Variants in BIRC6 observed in about 807,000 individuals in gnomAD.
BIRC6 encodes baculoviral IAP repeat containing 6.
A neutral mutation model predicts 503.3 loss-of-function variants in BIRC6; 98 were observed. That is an observed-to-expected ratio of 0.19 (90% CI 0.17 to 0.23). The LOEUF (loss-of-function observed/expected upper bound fraction) is 0.23. BIRC6 is among the 10% of genes least tolerant of loss of function. The pLI is 1.00. For missense variants in BIRC6, 5,360 were observed against 5,806.0 expected, an observed-to-expected ratio of 0.92 and a Z score of 2.50; for synonymous variants, 2,240 against 2,078.7, an observed-to-expected ratio of 1.08 and a Z score of -2.11.
At chr2:32,360,779 T>G (rs975660207) in intron 1 of BIRC6, among the ~76,000 whole-genome samples, 2 of 152,230 alleles carry the variant, frequency 1.3e-5, no homozygotes, top group African/African-American at 4.8e-5. Flanking sequence ...TCCATTTTAT[T>G]TAGCTTTTTG....
At chr2:32,395,445 CTTTT>C in intron 5 of BIRC6, 62 bp from the exon 6 acceptor site, 1 of 1,240,384 alleles carries the variant, frequency 8.1e-7, no homozygotes, top group Non-Finnish European at 1.1e-6. Context: ...TTAAAAATAA[CTTTT>C]ATTATAAAGC....
chr2:32,485,726 AT>A lies in BIRC6; in HGVS notation c.7784del (p.Leu2595TyrfsTer4). ...KMMSTLEADS[I>X]LQALTNTSPT... ...GATGTCTACTCTGGAGGCAGATTCC[AT>A]TTTACAGGCATTAACAAATACATCT... On this transcript the variant is annotated frameshift_variant, in exon 40 of 74. Coordinates refer to ENST00000421745, the MANE Select transcript of BIRC6 (RefSeq NM_016252.4). LOFTEE classifies it high-confidence loss of function. The A allele has an allele frequency of 6.2e-7, 1 of 1,613,200 alleles. No homozygotes were observed. Among genetic ancestry groups the A allele is most frequent in the Non-Finnish European group, 8.5e-7 (1 of 1,179,234 alleles).
intron 71 of BIRC6, 64 bp downstream of exon 71, chr2:32,603,147 T>G: frequency 7.9e-7 from 1 of 1,267,628 alleles, no homozygotes; most frequent in Non-Finnish European, 1.1e-6. Context: ...TTTTAAAAAA[T>G]TTTTAGTGAC....
chr2:32,437,097 C>T (rs2044807434), intron 15 of BIRC6, among the ~76,000 whole-genome samples: 1 of 151,658 alleles, frequency 6.6e-6, no homozygotes, highest in African/African-American at 2.4e-5. Context: ...ATCATGTCGC[C>T]CAGGGTGATG....
At chr2:32,417,535 A>G (rs544090108) in intron 10 of BIRC6, among the ~76,000 whole-genome samples, 1 of 152,278 alleles carries the variant, frequency 6.6e-6, no homozygotes, top group East Asian at 1.9e-4. Flanking sequence ...GAATAGTTCT[A>G]TTGATTGTCT....
chr2:32,587,213 A>C (rs2061092283), intron 66 of BIRC6, among the ~76,000 whole-genome samples: 1 of 152,094 alleles, frequency 6.6e-6, no homozygotes, highest in African/African-American at 2.4e-5. Context: ...ATGGTGAAAC[A>C]TTGTCTTTAC....
At chr2:32,481,634 C>T (rs1272637444) in intron 38 of BIRC6, among the ~76,000 whole-genome samples, 181 bp downstream of exon 38, 2 of 151,928 alleles carry the variant, frequency 1.3e-5, no homozygotes, top group Non-Finnish European at 2.9e-5. Context: ...GACGTGGTGG[C>T]GGGCACCTGT....
At chr2:32,471,192 G>A in intron 32 of BIRC6, 68 bp downstream of exon 32, 1 of 1,531,952 alleles carries the variant, frequency 6.5e-7, no homozygotes, top group South Asian at 1.2e-5. Context: ...GGGATTTTGA[G>A]TGACTTCGCA....
At chr2:32,550,915 A>T (rs905375514) in intron 65 of BIRC6, among the ~76,000 whole-genome samples, 1 of 152,152 alleles carries the variant, frequency 6.6e-6, no homozygotes. Context: ...AATGTGACAG[A>T]TCGAAGTTTG....
intron 64 of BIRC6, chr2:32,548,950 A>G (rs910324741): frequency 1.3e-5 from 2 of 157,778 alleles, no homozygotes; most frequent in Non-Finnish European, 2.8e-5. Context: ...GTCTTCTGCA[A>G]CTCTAGAATG....
At position 32,465,092 on chromosome 2, in the gene BIRC6, G is replaced by A; in HGVS notation, c.5284G>A (p.Ala1762Thr). The stretch of plus-strand genomic sequence containing the variant: ...TCCACTTGGTTCTGGTCTAGCCCTT[G>A]CAATTTCTCATGCTTCACATTTTCT... ...MNPLGSGLALAISHASHFLQP... is the reference protein window; with the variant it reads ...MNPLGSGLALTISHASHFLQP... Residue 1762 changes from alanine (A) to threonine (T), a missense_variant, in exon 26 of 74, where the codon GCA (alanine) becomes ACA (threonine). By Grantham distance (58) the Ala-to-Thr change is moderately conservative. Around this residue, in one of 16 missense-constraint regions of BIRC6, gnomAD observed 2,299 missense variants for 2,267.2 expected, o/e 1.01. Coordinates refer to ENST00000421745, the MANE Select transcript of BIRC6 (RefSeq NM_016252.4). 6.2e-7 allele frequency: 1 copy of A among 1,603,550 alleles called. No homozygotes were observed. The highest frequency in any genetic ancestry group is 1.1e-5 in the South Asian group (1 of 89,980).
intron 39 of BIRC6, among the ~76,000 whole-genome samples, chr2:32,484,674 T>C (rs1005419901): frequency 6.6e-6 from 1 of 152,150 alleles, no homozygotes; most frequent in Non-Finnish European, 1.5e-5. Flanking sequence ...TTTTTTTAAA[T>C]TGTGGAAAAA....
intron 4 of BIRC6, among the ~76,000 whole-genome samples, chr2:32,390,213 C>T (rs538631478): frequency 5.8e-4 from 88 of 151,614 alleles, no homozygotes; most frequent in African/African-American, 2.1e-3. Flanking sequence ...CTCTGTTGCC[C>T]AGGCTGGAGT....
At chr2:32,388,097 A>C (rs2038738748) in intron 3 of BIRC6, among the ~76,000 whole-genome samples, 1 of 152,134 alleles carries the variant, frequency 6.6e-6, no homozygotes, top group Non-Finnish European at 1.5e-5. Flanking sequence ...TGAAATATAC[A>C]ATACGTGGGC....
chr2:32,577,245 T>C (rs1014112812), intron 66 of BIRC6, among the ~76,000 whole-genome samples: 4 of 152,170 alleles, frequency 2.6e-5, no homozygotes, highest in African/African-American at 7.2e-5. Context: ...TAATATATAC[T>C]GAGCTTTGAA....
intron 1 of BIRC6, among the ~76,000 whole-genome samples, chr2:32,377,002 C>G (rs2036886533): frequency 6.6e-6 from 1 of 152,134 alleles, no homozygotes; most frequent in African/African-American, 2.4e-5. Context: ...TATCTAATAA[C>G]TGTCCATGCT....
At position 32,529,819 on chromosome 2, in the gene BIRC6, A is replaced by G; in HGVS notation, c.12089A>G (p.Glu4030Gly). The change falls in exon 60 of 74, where the codon GAA (glutamate) becomes GGA (glycine). Residue 4030 changes from glutamate to glycine, a missense_variant. Glu to Gly is a moderately conservative substitution (Grantham distance 98). Transcript: ENST00000421745. ...KTDSYKRLHP[E>G]KDHGDLLASC... Reference sequence around the variant, plus strand: ...GATTCTTATAAAAGACTACACCCTGAAAAAGGTATGTGCATAATACTACTT... The same window carrying G: ...GATTCTTATAAAAGACTACACCCTGGAAAAGGTATGTGCATAATACTACTT... 7 of 1,599,530 alleles carry G rather than the reference A, an allele frequency of 4.4e-6. No homozygotes were observed. Among genetic ancestry groups the G allele is most frequent in the Non-Finnish European group, 6.0e-6 (7 of 1,172,282 alleles).
At chr2:32,444,839 A>G (rs1276347266) in intron 20 of BIRC6, among the ~76,000 whole-genome samples, 1 of 152,230 alleles carries the variant, frequency 6.6e-6, no homozygotes, top group Admixed American at 6.5e-5. Context: ...TACATTGAAC[A>G]TATTTTGGCT....
intron 39 of BIRC6, among the ~76,000 whole-genome samples, chr2:32,484,262 A>C (rs1343907725): frequency 1.1e-5 from 1 of 88,552 alleles, no homozygotes; most frequent in Non-Finnish European, 2.2e-5. Flanking sequence ...TTCTTTTTGA[A>C]AAAATTACTG....
Sources: gnomAD v4.1 joint callset for allele counts (sites outside exome capture counted in the v4.1 genomes callset) on GRCh38, gnomAD v4.1.1 for gene constraint, gnomAD v4.1.1 regional missense constraint, MANE v1.5 for transcripts, NCBI Gene and HGNC (gene_info 2026-07-23, HGNC 2026-07-21) for gene names.